TMEM132B: variants seen among roughly 807,000 people sequenced by gnomAD.
TMEM132B encodes transmembrane protein 132B.
A neutral mutation model predicts 90.8 loss-of-function variants in TMEM132B; 18 were observed. The ratio of observed to expected loss-of-function variants is 0.20; its 90% CI spans 0.14 to 0.29. The LOEUF (loss-of-function observed/expected upper bound fraction) is 0.29. Among genes scored for constraint, TMEM132B ranks in the 10% least tolerant of loss-of-function variants. The probability of loss-of-function intolerance (pLI) is 1.00; values close to 1 mark genes in which losing one functional copy is unlikely to be tolerated. For missense variants in TMEM132B, 1,096 were observed against 1,326.8 expected (o/e 0.83, Z 2.70); for synonymous variants, 504 against 523.3 (o/e 0.96, Z 0.50).
intron 1 of TMEM132B, among the ~76,000 whole-genome samples, chr12:125,238,377 C>A (rs11058098): frequency 0.32 from 41,403 of 127,888 alleles, 7,539 homozygotes; most frequent in Middle Eastern, 0.37. Context: ...AAAAAAAAAA[C>A]AAAAAAAAAC....
intron 1 of TMEM132B, among the ~76,000 whole-genome samples, chr12:125,306,974 C>T (rs1481567619): frequency 6.6e-6 from 1 of 152,252 alleles, no homozygotes; most frequent in Non-Finnish European, 1.5e-5. Flanking sequence ...GCTCCTGCCA[C>T]AGGGACTTTG....
intron 4 of TMEM132B, among the ~76,000 whole-genome samples, chr12:125,542,288 A>G (rs1388027311): frequency 6.6e-6 from 1 of 152,154 alleles, no homozygotes; most frequent in Non-Finnish European, 1.5e-5. Context: ...GTTGGAGGAA[A>G]ATAATGTCTT....
intron 3 of TMEM132B, among the ~76,000 whole-genome samples, chr12:125,416,755 G>C (rs1391750321): frequency 2.0e-5 from 3 of 152,168 alleles, no homozygotes; most frequent in African/African-American, 7.2e-5. Context: ...CACTAACTAA[G>C]TAATCTGGAT....
intron 3 of TMEM132B, among the ~76,000 whole-genome samples, chr12:125,491,148 C>A (rs534551878): frequency 6.6e-6 from 1 of 152,202 alleles, no homozygotes; most frequent in South Asian, 2.1e-4. Flanking sequence ...TCCAATCCAC[C>A]AGAACTGTGA....
At chr12:125,210,461 G>A (rs1418706626) in intron 1 of TMEM132B, among the ~76,000 whole-genome samples, 2 of 152,152 alleles carry the variant, frequency 1.3e-5, no homozygotes, top group East Asian at 3.9e-4. Flanking sequence ...TTAAAATGGG[G>A]ATGCTTTGGA....
chr12:125,538,812 C>T (rs1313938998), intron 4 of TMEM132B, among the ~76,000 whole-genome samples: 1 of 152,186 alleles, frequency 6.6e-6, no homozygotes, highest in African/African-American at 2.4e-5. Context: ...CCTGTATCAG[C>T]AAATGGCACC....
chr12:125,627,108 C>T lies in TMEM132B; in HGVS notation c.1438-16968C>T, dbSNP rs1886251477. 2.0e-5 allele frequency among the ~76,000 whole-genome samples: 3 copies of T among 152,104 alleles called. 1 individual carries two copies. Among genetic ancestry groups the T allele is most frequent in the South Asian group, 4.1e-4 (2 of 4,828 alleles). Reference sequence around the variant, plus strand: ...GTAAATCAAGACATCAAGATCTTTGCTACTATGCATTTTTATTTCTAGAAT... The same window carrying T: ...GTAAATCAAGACATCAAGATCTTTGTTACTATGCATTTTTATTTCTAGAAT... On this transcript the variant is annotated intron_variant, in intron 5 of 8. Coordinates refer to ENST00000682704, the MANE Select transcript of TMEM132B (RefSeq NM_001366854.1).
At chr12:125,385,392 G>A (rs546828840) in intron 2 of TMEM132B, among the ~76,000 whole-genome samples, 3 of 152,252 alleles carry the variant, frequency 2.0e-5, no homozygotes, top group Admixed American at 2.0e-4. Context: ...GGTTAGCTCC[G>A]CAGAGCCTCA....
intron 3 of TMEM132B, among the ~76,000 whole-genome samples, chr12:125,511,868 A>AG (rs2136633766): frequency 6.7e-6 from 1 of 149,888 alleles, no homozygotes; most frequent in East Asian, 1.9e-4. Context: ...AAAAAAAAAA[A>AG]GAAAAGAAAA....
At chr12:125,551,072 C>T (rs1486861195) in intron 4 of TMEM132B, among the ~76,000 whole-genome samples, 4 of 152,262 alleles carry the variant, frequency 2.6e-5, no homozygotes, top group African/African-American at 4.8e-5. Flanking sequence ...CTCGGCCTCC[C>T]GAAGTGTTGG....
At chr12:125,325,779 G>C (rs1318789317) in intron 1 of TMEM132B, among the ~76,000 whole-genome samples, 1 of 151,460 alleles carries the variant, frequency 6.6e-6, no homozygotes, top group Non-Finnish European at 1.5e-5. Context: ...TTCAGGTGGA[G>C]CTCTCTGGCT....
chr12:125,440,988 T>C (rs1203884407), intron 3 of TMEM132B, among the ~76,000 whole-genome samples: 2 of 152,218 alleles, frequency 1.3e-5, no homozygotes, highest in Non-Finnish European at 2.9e-5. Flanking sequence ...GTTTATGAAA[T>C]GCACAGTGGT....
chr12:125,219,031 A>T (rs1873502402), intron 1 of TMEM132B, among the ~76,000 whole-genome samples: 1 of 152,224 alleles, frequency 6.6e-6, no homozygotes, highest in South Asian at 2.1e-4. Flanking sequence ...ATTTTATGCC[A>T]TGTGAATTTC....
chr12:125,285,280 C>T (rs375201710), intron 1 of TMEM132B, among the ~76,000 whole-genome samples: 21 of 152,226 alleles, frequency 1.4e-4, no homozygotes, highest in African/African-American at 4.8e-4. Context: ...GAGGGATTTC[C>T]GCAAAAATGA....
chr12:125,455,563 G>A (rs568916495), intron 3 of TMEM132B, among the ~76,000 whole-genome samples: 4 of 152,172 alleles, frequency 2.6e-5, no homozygotes, highest in Non-Finnish European at 4.4e-5. Context: ...GGTGGGGGCA[G>A]TGTCTTTATT....
At chr12:125,496,086 C>T (rs1234253699) in intron 3 of TMEM132B, among the ~76,000 whole-genome samples, 2 of 152,178 alleles carry the variant, frequency 1.3e-5, no homozygotes, top group African/African-American at 4.8e-5. Flanking sequence ...CCTGTGGGCT[C>T]TTCACTTGGT....
At chr12:125,344,634 G>A (rs921983609) in intron 1 of TMEM132B, among the ~76,000 whole-genome samples, 1 of 152,146 alleles carries the variant, frequency 6.6e-6, no homozygotes, top group Non-Finnish European at 1.5e-5. Flanking sequence ...TTCTACCAGA[G>A]CTTCCAATTG....
At chr12:125,235,949 G>A (rs962451995) in intron 1 of TMEM132B, among the ~76,000 whole-genome samples, 6 of 151,586 alleles carry the variant, frequency 4.0e-5, no homozygotes, top group African/African-American at 1.2e-4. Flanking sequence ...GGCCACAGGC[G>A]TCCACCACCA....
chr12:125,548,245 A>T (rs993323873), intron 4 of TMEM132B, among the ~76,000 whole-genome samples: 3 of 152,112 alleles, frequency 2.0e-5, no homozygotes, highest in African/African-American at 7.2e-5. Flanking sequence ...TTCACAACTC[A>T]TTGGTGTTAA....
Sources: gnomAD v4.1 joint callset for allele counts (sites outside exome capture counted in the v4.1 genomes callset) on GRCh38, gnomAD v4.1.1 for gene constraint, MANE v1.5 for transcripts, NCBI Gene and HGNC (gene_info 2026-07-23, HGNC 2026-07-21) for gene names.